Variants in NF2 observed in about 807,000 individuals in gnomAD.
NF2 encodes the protein NF2, moesin-ezrin-radixin like (MERLIN) tumor suppressor.
NF2 carries 8 observed loss-of-function variants against 83.7 expected under a neutral mutation model. That is an observed-to-expected ratio of 0.10 (90% CI 0.06 to 0.17). The LOEUF (loss-of-function observed/expected upper bound fraction) is 0.17, where lower values mean the gene tolerates loss of function less well. Among genes scored for constraint, NF2 ranks in the 10% least tolerant of loss-of-function variants. The pLI is 1.00. For synonymous variants in NF2, 266 were observed against 269.6 expected, an observed-to-expected ratio of 0.99 and a Z score of 0.13; for missense variants, 533 against 744.4, an observed-to-expected ratio of 0.72 and a Z score of 3.31.
At chr22:29,652,704 C>T (rs2066183755) in intron 4 of NF2, among the ~76,000 whole-genome samples, 2 of 152,128 alleles carry the variant, frequency 1.3e-5, no homozygotes, top group South Asian at 4.1e-4. Flanking sequence ...GATGAGAAAG[C>T]TGAGACACAA....
intron 3 of NF2, 40 bp from the exon 4 acceptor site, chr22:29,642,162 C>T (rs1359101095): frequency 6.6e-7 from 1 of 1,520,118 alleles, no homozygotes; most frequent in Non-Finnish European, 9.1e-7. Flanking sequence ...ACCTCACTTC[C>T]ACTCACAGAG....
At position 29,636,418 on chromosome 22, in the gene NF2, C is replaced by T. The variant is rs572033559; in HGVS notation, c.115-333C>T. Among the ~76,000 whole-genome samples, 17 of 152,084 alleles carry T rather than the reference C, an allele frequency of 1.1e-4. No individual in the cohort carries two copies. Among genetic ancestry groups the T allele is most frequent in the Middle Eastern group, 3.2e-3 (1 of 314 alleles). Reference sequence around the variant, plus strand: ...TGTCCCTAGAAGCTAGCCATCTCCCCGAGTTAACTTAAGAGGCTAGACTCT... The same window carrying T: ...TGTCCCTAGAAGCTAGCCATCTCCCTGAGTTAACTTAAGAGGCTAGACTCT... On this transcript the variant is annotated intron_variant, in intron 1 of 15. Transcript: ENST00000338641. This position sits in a 1 kb window ranked among gnomAD's most constrained non-coding sequence, Gnocchi z 4.4.
At chr22:29,656,475 C>T (rs933909327) in intron 6 of NF2, among the ~76,000 whole-genome samples, 5 of 141,670 alleles carry the variant, frequency 3.5e-5, no homozygotes, top group Non-Finnish European at 7.5e-5. Context: ...TGCAGTGGCG[C>T]GATCTCGGCT....
chr22:29,668,126 G>A (rs902255008), intron 9 of NF2, among the ~76,000 whole-genome samples: 10 of 152,042 alleles, frequency 6.6e-5, no homozygotes, highest in African/African-American at 2.4e-4. Flanking sequence ...TTTACCTCCT[G>A]GCATATCTGA....
At chr22:29,654,756 C>T (rs1569293509) in intron 5 of NF2, 31 bp downstream of exon 5, 1 of 1,533,180 alleles carries the variant, frequency 6.5e-7, no homozygotes, top group Non-Finnish European at 9.0e-7. Context: ...TTCAGGAAGA[C>T]ATAGCAGATA....
intron 1 of NF2, among the ~76,000 whole-genome samples, chr22:29,622,875 C>T (rs907162816): frequency 2.7e-5 from 4 of 150,642 alleles, no homozygotes; most frequent in East Asian, 2.0e-4. Flanking sequence ...AGGACGGTCT[C>T]GATCTCCTGA....
At chr22:29,605,357 GT>G (rs2064762070) in intron 1 of NF2, among the ~76,000 whole-genome samples, 1 of 152,114 alleles carries the variant, frequency 6.6e-6, no homozygotes, top group Non-Finnish European at 1.5e-5. Flanking sequence ...TAGAGACAGG[GT>G]TTCACCATAT....
intron 4 of NF2, 149 bp from the exon 5 acceptor site, chr22:29,654,508 T>C (rs962024312): frequency 2.0e-5 from 15 of 731,896 alleles, no homozygotes; most frequent in Non-Finnish European, 3.7e-5. Flanking sequence ...CATTCAAGGA[T>C]AACAAACTAG....
intron 15 of NF2, among the ~76,000 whole-genome samples, chr22:29,687,401 G>A (rs549884345): frequency 6.6e-6 from 1 of 152,278 alleles, no homozygotes; most frequent in South Asian, 2.1e-4. Context: ...TCTTCAATTT[G>A]TGCAGGCTCC....
At chr22:29,642,675 A>C (rs868245524) in intron 4 of NF2, among the ~76,000 whole-genome samples, 6 of 152,026 alleles carry the variant, frequency 3.9e-5, no homozygotes, top group Non-Finnish European at 7.4e-5. Flanking sequence ...CATGTGGTAC[A>C]ACCTTTCTAT....
chr22:29,674,622 T>G (rs1208851358), intron 12 of NF2, among the ~76,000 whole-genome samples: 1 of 152,236 alleles, frequency 6.6e-6, no homozygotes, highest in African/African-American at 2.4e-5. Context: ...TCTTCCAGTT[T>G]AGATTTACCA....
intron 7 of NF2, 117 bp downstream of exon 7, chr22:29,658,381 T>A: frequency 1.1e-6 from 1 of 942,126 alleles, no homozygotes; most frequent in Non-Finnish European, 1.7e-6. Context: ...GGTTCTGTGG[T>A]AAAGAAGGAA....
At chr22:29,619,074 G>C (rs1381873322) in intron 1 of NF2, among the ~76,000 whole-genome samples, 5 of 151,232 alleles carry the variant, frequency 3.3e-5, no homozygotes, top group Admixed American at 1.3e-4. Flanking sequence ...TTTTGAGATG[G>C]AGTTTCACTC....
At chr22:29,677,545 G>A (rs906292204) in intron 13 of NF2, among the ~76,000 whole-genome samples, 2 of 150,318 alleles carry the variant, frequency 1.3e-5, no homozygotes, top group Admixed American at 6.6e-5. Context: ...GCCCTACTCC[G>A]GTTCCATTGT....
intron 1 of NF2, among the ~76,000 whole-genome samples, chr22:29,626,827 G>A (rs1202681189): frequency 2.0e-5 from 3 of 152,172 alleles, no homozygotes; most frequent in Non-Finnish European, 4.4e-5. Flanking sequence ...CCTTATTTGT[G>A]CTGAATTTAC....
intron 8 of NF2, among the ~76,000 whole-genome samples, chr22:29,662,682 A>G (rs1054700546): frequency 5.3e-5 from 8 of 152,354 alleles, no homozygotes; most frequent in Admixed American, 3.3e-4. Context: ...TGTGTTGTCA[A>G]TATCTCTGTG....
chr22:29,668,305 AC>A (rs1330528306), intron 9 of NF2, 27 bp from the exon 10 acceptor site: 22 of 1,567,830 alleles, frequency 1.4e-5, no homozygotes, highest in Non-Finnish European at 1.9e-5. Context: ...GTGGATATTA[AC>A]CTTTTTGTCT....
At chr22:29,675,875 G>T (rs2066947737) in intron 13 of NF2, among the ~76,000 whole-genome samples, 1 of 152,128 alleles carries the variant, frequency 6.6e-6, no homozygotes, top group South Asian at 2.1e-4. Context: ...TGACCCAGAT[G>T]CACAAAGGGC....
chr22:29,630,513 A>G (rs765712423), intron 1 of NF2, among the ~76,000 whole-genome samples: 2 of 152,258 alleles, frequency 1.3e-5, no homozygotes, highest in Non-Finnish European at 2.9e-5. Context: ...GCACAGCCAC[A>G]AAGGCGAGAA....
Sources: allele counts gnomAD v4.1 joint callset (sites outside exome capture counted in the v4.1 genomes callset), GRCh38; gene constraint gnomAD v4.1.1; non-coding constraint Gnocchi (gnomAD v3.1); transcripts MANE v1.5; gene names NCBI Gene and HGNC (gene_info 2026-07-23, HGNC 2026-07-21).